PTPRD: variants seen among roughly 807,000 people sequenced by gnomAD.
The protein encoded by PTPRD is protein tyrosine phosphatase receptor type D, also known as receptor-type tyrosine-protein phosphatase delta.
PTPRD carries 34 observed loss-of-function variants against 214.5 expected under a neutral mutation model. That is an observed-to-expected ratio of 0.16 (90% CI 0.12 to 0.21). The LOEUF (loss-of-function observed/expected upper bound fraction) is 0.21, where lower values mean the gene tolerates loss of function less well. PTPRD is among the 10% of genes least tolerant of loss of function. PTPRD has a pLI of 1.00. For missense variants in PTPRD, 2,545 were observed against 2,398.7 expected, an observed-to-expected ratio of 1.06 and a Z score of -1.27; for synonymous variants, 1,128 against 845.7, an observed-to-expected ratio of 1.33 and a Z score of -5.79.
intron 14 of PTPRD, among the ~76,000 whole-genome samples, chr9:8,579,293 A>G (rs959072008): frequency 2.0e-5 from 3 of 152,206 alleles, no homozygotes; most frequent in Admixed American, 1.3e-4. Context: ...TCTAATGCTA[A>G]TGCTCTCCTG....
At chr9:10,451,353 T>C (rs2098840514) in intron 2 of PTPRD, among the ~76,000 whole-genome samples, 1 of 151,954 alleles carries the variant, frequency 6.6e-6, no homozygotes, top group Non-Finnish European at 1.5e-5. Flanking sequence ...AGTCTGTGAT[T>C]ACAAATAATG....
chr9:8,515,710 T>C (rs1359890460), intron 21 of PTPRD, among the ~76,000 whole-genome samples: 1 of 152,118 alleles, frequency 6.6e-6, no homozygotes, highest in Non-Finnish European at 1.5e-5. Context: ...CAACAGAAGT[T>C]AGGGCAGCAG....
chr9:8,485,127 C>A, intron 29 of PTPRD, 100 bp downstream of exon 29: 5 of 966,150 alleles, frequency 5.2e-6, no homozygotes, highest in Non-Finnish European at 7.9e-6. Flanking sequence ...GGACACGTGG[C>A]CAAAACAAAG....
rs575235989 is a variant in PTPRD, at chr9:9,881,701, G to A, written c.-368+56806C>T. ...ATTAAGGTGCCACTTTACCGCAACC[G>A]TCTCACACCCCCACATCTCACTCTG... On this transcript the variant is annotated intron_variant, in intron 5 of 45. Transcript: ENST00000381196. 5.9e-5 allele frequency among the ~76,000 whole-genome samples: 9 copies of A among 152,228 alleles called. No homozygotes were observed. The East Asian group carries it at 7.7e-4, about 13-fold the overall frequency.
intron 5 of PTPRD, among the ~76,000 whole-genome samples, chr9:9,776,457 T>C (rs1362379336): frequency 2.0e-5 from 3 of 152,234 alleles, no homozygotes; most frequent in Non-Finnish European, 4.4e-5. Flanking sequence ...ACTTTGCTTT[T>C]TGATTTTTCT....
intron 2 of PTPRD, among the ~76,000 whole-genome samples, chr9:10,499,381 C>T (rs1052740514): frequency 1.3e-5 from 2 of 151,802 alleles, no homozygotes; most frequent in African/African-American, 4.8e-5. Flanking sequence ...TAGGGATAAA[C>T]AAAGACCATA....
At chr9:9,021,687 T>C (rs1170078014) in intron 10 of PTPRD, among the ~76,000 whole-genome samples, 6 of 151,962 alleles carry the variant, frequency 3.9e-5, no homozygotes, top group Non-Finnish European at 8.8e-5. Context: ...TGGAAGAGAG[T>C]GTTACTGATG....
chr9:9,367,226 A>G (rs2058125626), intron 9 of PTPRD, among the ~76,000 whole-genome samples: 2 of 151,522 alleles, frequency 1.3e-5, no homozygotes. Context: ...CTAGAAATCT[A>G]TATAGATTAC....
At chr9:8,684,683 A>T (rs1565260919) in intron 12 of PTPRD, among the ~76,000 whole-genome samples, 1 of 152,204 alleles carries the variant, frequency 6.6e-6, no homozygotes, top group African/African-American at 2.4e-5. Flanking sequence ...AGCTATGTTA[A>T]GATTGATTAA....
chr9:9,688,366 T>A (rs2097201991), intron 7 of PTPRD, among the ~76,000 whole-genome samples: 1 of 151,896 alleles, frequency 6.6e-6, no homozygotes, highest in Non-Finnish European at 1.5e-5. Context: ...GTTTGGTGTT[T>A]ATGCCAATGT....
At chr9:9,549,938 A>T (rs1192512981) in intron 8 of PTPRD, among the ~76,000 whole-genome samples, 2 of 152,088 alleles carry the variant, frequency 1.3e-5, no homozygotes, top group Admixed American at 6.6e-5. Context: ...AAAATAAATA[A>T]ATTGGGCTTT....
At chr9:10,238,971 C>T (rs2099637944) in intron 3 of PTPRD, among the ~76,000 whole-genome samples, 1 of 151,798 alleles carries the variant, frequency 6.6e-6, no homozygotes, top group Non-Finnish European at 1.5e-5. Flanking sequence ...CAGGACAGTC[C>T]TGCACATCGA....
At position 9,973,909 on chromosome 9, in the gene PTPRD, G is replaced by C. The variant is rs1351592346; in HGVS notation, c.-471-35299C>G. 2.0e-5 allele frequency among the ~76,000 whole-genome samples: 3 copies of C among 152,204 alleles called. No individual in the cohort carries two copies. The Middle Eastern group carries it at 0.01, about 518-fold the overall frequency. On this transcript the variant is annotated intron_variant, in intron 4 of 45. Coordinates refer to ENST00000381196, the MANE Select transcript of PTPRD (RefSeq NM_002839.4). ...CTTATGTGAACTAATGAAAAATTGA[G>C]AGGTGATCACAAGCTTTCTATACCA...
intron 11 of PTPRD, among the ~76,000 whole-genome samples, chr9:8,902,221 A>G (rs2098675031): frequency 6.6e-6 from 1 of 152,222 alleles, no homozygotes; most frequent in South Asian, 2.1e-4. Flanking sequence ...TTGCTACTCA[A>G]AGTGTTGTTG....
At chr9:9,940,520 T>C (rs775582913) in intron 4 of PTPRD, among the ~76,000 whole-genome samples, 2 of 152,214 alleles carry the variant, frequency 1.3e-5, no homozygotes, top group Non-Finnish European at 2.9e-5. Context: ...TACCTAGATG[T>C]ATAATTCTAG....
intron 3 of PTPRD, among the ~76,000 whole-genome samples, chr9:10,037,666 C>T (rs1330966597): frequency 6.6e-6 from 1 of 151,182 alleles, no homozygotes; most frequent in African/African-American, 2.4e-5. Flanking sequence ...GACAAGTTCT[C>T]CATGGGAATT....
intron 3 of PTPRD, among the ~76,000 whole-genome samples, chr9:10,196,122 T>G (rs903356645): frequency 6.6e-6 from 1 of 152,182 alleles, no homozygotes; most frequent in Non-Finnish European, 1.5e-5. Flanking sequence ...TATATACACT[T>G]ATCAAAAATC....
At position 8,819,113 on chromosome 9, in the gene PTPRD, G is replaced by A. The variant is rs7864631; in HGVS notation, c.-103-85167C>T. On this transcript the variant is annotated intron_variant, in intron 11 of 45. Transcript: ENST00000381196. The stretch of plus-strand genomic sequence containing the variant: ...AAAAACATAAAAATGTATCCTTAAC[G>A]TTGTTAGGATCAAAGGAAATCACTA... 5.0e-3 allele frequency among the ~76,000 whole-genome samples: 763 copies of A among 152,116 alleles called. 9 individuals carry two copies. The highest frequency in any genetic ancestry group is 0.017 in the African/African-American group (722 of 41,504).
intron 2 of PTPRD, among the ~76,000 whole-genome samples, chr9:10,462,224 A>G (rs754579648): frequency 1.3e-4 from 20 of 152,154 alleles, no homozygotes; most frequent in African/African-American, 2.9e-4. Flanking sequence ...TTTATTTTAA[A>G]AAATAAAATA....
Sources: allele counts gnomAD v4.1 joint callset (sites outside exome capture counted in the v4.1 genomes callset), GRCh38; gene constraint gnomAD v4.1.1; transcripts MANE v1.5; gene names NCBI Gene and HGNC (gene_info 2026-07-23, HGNC 2026-07-21).